Variants in EXTL3 observed in about 807,000 individuals in gnomAD.
EXTL3 encodes the protein exostosin like glycosyltransferase 3.
In EXTL3, 27 loss-of-function variants were observed where a neutral mutation model predicts 69.3. That is an observed-to-expected ratio of 0.39 (90% CI 0.29 to 0.54). The LOEUF is 0.54. Ranked by LOEUF, EXTL3 falls within the 20% of genes least tolerant of loss-of-function variation. The probability of loss-of-function intolerance (pLI) is 0.69; values close to 1 mark genes in which losing one functional copy is unlikely to be tolerated. For synonymous variants in EXTL3, 511 were observed against 499.4 expected, an observed-to-expected ratio of 1.02 and a Z score of -0.31; for missense variants, 1,003 against 1,231.8, an observed-to-expected ratio of 0.81 and a Z score of 2.78.
At chr8:28,617,648 A>G (rs1169255935) in intron 2 of EXTL3, among the ~76,000 whole-genome samples, 2 of 152,128 alleles carry the variant, frequency 1.3e-5, no homozygotes, top group East Asian at 1.9e-4. Context: ...GCCAGGTGTG[A>G]TGGCACATGC....
chr8:28,662,025 T>A (rs1039824691), intron 1 of EXTL3, among the ~76,000 whole-genome samples: 10 of 151,268 alleles, frequency 6.6e-5, no homozygotes, highest in African/African-American at 2.4e-4. Flanking sequence ...CTATAGAGGG[T>A]AAATAATAGG....
At chr8:28,731,462 T>C in intron 4 of EXTL3, 112 bp downstream of exon 4, 4 of 1,130,044 alleles carry the variant, frequency 3.5e-6, no homozygotes, top group Non-Finnish European at 5.3e-6. Context: ...TTGCAGATAG[T>C]CAGGGCTGAT....
intron 1 of EXTL3, among the ~76,000 whole-genome samples, chr8:28,668,813 C>G (rs17059285): frequency 0.051 from 7,611 of 150,300 alleles, 368 homozygotes; most frequent in African/African-American, 0.12. Flanking sequence ...TGGCAAGCAT[C>G]TAATATGCAC....
At chr8:28,636,333 A>G (rs1806654756) in intron 1 of EXTL3, among the ~76,000 whole-genome samples, 1 of 149,618 alleles carries the variant, frequency 6.7e-6, no homozygotes, top group African/African-American at 2.4e-5. Flanking sequence ...CTCCATCTCA[A>G]AAAAAAAAAA....
intron 1 of EXTL3, among the ~76,000 whole-genome samples, chr8:28,682,096 G>A (rs568117014): frequency 7.2e-5 from 11 of 152,194 alleles, no homozygotes; most frequent in South Asian, 2.1e-4. Context: ...TTTTTTTTAC[G>A]TCTACATCAA....
chr8:28,676,516 G>T (rs1417228657), intron 1 of EXTL3, among the ~76,000 whole-genome samples: 1 of 152,216 alleles, frequency 6.6e-6, no homozygotes, highest in Non-Finnish European at 1.5e-5. Flanking sequence ...AGAGAACTGT[G>T]CAACATTTTG....
intron 4 of EXTL3, among the ~76,000 whole-genome samples, chr8:28,731,654 T>A (rs1311484137): frequency 6.6e-6 from 1 of 151,966 alleles, no homozygotes; most frequent in Non-Finnish European, 1.5e-5. Flanking sequence ...CATCCTTAAA[T>A]CCAAACCACA....
rs1477344197 is a variant in EXTL3, at chr8:28,752,885, A to AG, written c.*2020dup. Reference sequence around the variant, plus strand: ...TGTGAGGAACTCACATACTGACTTCAGTGGGACTCGGTGAGCCGGGGCCGT... The same window carrying AG: ...TGTGAGGAACTCACATACTGACTTCAGGTGGGACTCGGTGAGCCGGGGCCGT... On this transcript the variant is annotated 3_prime_UTR_variant, in exon 7 of 7. Transcript: ENST00000220562. The AG allele has an allele frequency of 1.1e-4, 17 of 152,464 alleles. No homozygotes were observed. The highest frequency in any genetic ancestry group is 3.9e-4 in the African/African-American group (16 of 41,302). The allele number at this position is 152,464 out of a possible 1,614,324, so 9.4% of individuals were successfully genotyped here.
chr8:28,708,563 T>C (rs1297523707), intron 1 of EXTL3, among the ~76,000 whole-genome samples: 1 of 152,136 alleles, frequency 6.6e-6, no homozygotes, highest in Non-Finnish European at 1.5e-5. Flanking sequence ...GTCATGCCTG[T>C]AGTTAGGAAA....
chr8:28,744,178 G>C (rs577260698), intron 6 of EXTL3: 34 of 152,296 alleles, frequency 2.2e-4, no homozygotes, highest in African/African-American at 7.7e-4. Context: ...ATTTGTGACT[G>C]TGCTTCGTCT....
chr8:28,661,456 TA>T (rs1249748644), intron 1 of EXTL3, among the ~76,000 whole-genome samples: 2 of 151,840 alleles, frequency 1.3e-5, no homozygotes, highest in African/African-American at 4.8e-5. Context: ...GTATACATAA[TA>T]AAAAATATCT....
Position 28,652,041 on chromosome 8 carries a change from G to GTGTGTGTC in EXTL3, c.-53+29238_-53+29239insCTGTGTGT, listed in dbSNP as rs1554548762. ...AATATTCCATTGTGTGTGTGTGTCT[G>GTGTGTGTC]TGTGTGTGTGTGTGTGTGTATGTAT... is the stretch of plus-strand genomic sequence containing the variant. On this transcript the variant is annotated intron_variant, in intron 1 of 6. Transcript: ENST00000523149. Among the ~76,000 whole-genome samples the GTGTGTGTC allele has an allele frequency of 5.7e-4, 85 of 150,284 alleles. 1 individual carries two copies. The highest frequency in any genetic ancestry group is 2.0e-3 in the African/African-American group (84 of 41,174).
At chr8:28,658,499 CT>C (rs1346535429) in intron 1 of EXTL3, among the ~76,000 whole-genome samples, 2 of 152,058 alleles carry the variant, frequency 1.3e-5, no homozygotes, top group Non-Finnish European at 2.9e-5. Context: ...AAGGAAGTGT[CT>C]TATACACCTT....
At chr8:28,660,003 C>G (rs567181059) in intron 1 of EXTL3, among the ~76,000 whole-genome samples, 8 of 152,072 alleles carry the variant, frequency 5.3e-5, no homozygotes, top group Non-Finnish European at 1.0e-4. Context: ...TTTTACTATA[C>G]GTTTAAATAG....
intron 1 of EXTL3, among the ~76,000 whole-genome samples, chr8:28,641,870 C>G (rs1336665030): frequency 6.6e-6 from 1 of 152,148 alleles, no homozygotes; most frequent in African/African-American, 2.4e-5. Flanking sequence ...GAGTCTCGCT[C>G]TGTCACCCAG....
At chr8:28,736,769 C>T (rs1345915078) in intron 4 of EXTL3, among the ~76,000 whole-genome samples, 6 of 152,176 alleles carry the variant, frequency 3.9e-5, no homozygotes. Flanking sequence ...ATATGTCATG[C>T]TTATTAAAAA....
At chr8:28,726,252 C>T (rs1027498354) in intron 3 of EXTL3, among the ~76,000 whole-genome samples, 5 of 152,314 alleles carry the variant, frequency 3.3e-5, no homozygotes, top group South Asian at 2.1e-4. Flanking sequence ...CTGCGCCCGG[C>T]CTGCATTTAG....
chr8:28,718,610 G>A (rs185877300), intron 3 of EXTL3, among the ~76,000 whole-genome samples: 6 of 152,266 alleles, frequency 3.9e-5, no homozygotes, highest in East Asian at 3.9e-4. Flanking sequence ...CAGCTTATTC[G>A]TATGGGAGCT....
chr8:28,704,695 G>C (rs539280788), intron 1 of EXTL3, among the ~76,000 whole-genome samples: 1 of 151,084 alleles, frequency 6.6e-6, no homozygotes, highest in African/African-American at 2.4e-5. Flanking sequence ...TTGAGACGGC[G>C]TCTCGCTCTT....
Sources: gnomAD v4.1 joint callset for allele counts (sites outside exome capture counted in the v4.1 genomes callset) on GRCh38, gnomAD v4.1.1 for gene constraint, MANE v1.5 for transcripts, NCBI Gene and HGNC (gene_info 2026-07-23, HGNC 2026-07-21) for gene names.